Variants in DAB1 observed in about 807,000 individuals in gnomAD.
DAB1 encodes DAB adaptor protein 1.
Under a neutral mutation model 64.6 loss-of-function variants are expected in DAB1, and 15 were observed. That is an observed-to-expected ratio of 0.23 (90% CI 0.16 to 0.36). The LOEUF is 0.36. Among genes scored for constraint, DAB1 ranks in the 10% least tolerant of loss-of-function variants. The pLI is 1.00. For missense variants in DAB1, 596 were observed against 706.7 expected (o/e 0.84, Z 1.78); for synonymous variants, 235 against 251.9 (o/e 0.93, Z 0.64).
intron 2 of DAB1, among the ~76,000 whole-genome samples, chr1:57,159,181 T>C (rs1177731232): frequency 1.3e-5 from 2 of 152,230 alleles, no homozygotes; most frequent in African/African-American, 2.4e-5. Context: ...AGGTTTTTTT[T>C]TTCTTCCTCT....
chr1:57,039,227 G>C (rs571554901), intron 9 of DAB1, among the ~76,000 whole-genome samples: 1 of 152,294 alleles, frequency 6.6e-6, no homozygotes, highest in Admixed American at 6.5e-5. Flanking sequence ...GGATAACAAT[G>C]CTTACAATGT....
chr1:57,287,716 A>G (rs2100652713), intron 2 of DAB1, among the ~76,000 whole-genome samples: 1 of 152,294 alleles, frequency 6.6e-6, no homozygotes, highest in African/African-American at 2.4e-5. Flanking sequence ...AAATACTATT[A>G]CATCATCAAA....
chr1:57,918,620 A>T (rs531421896), intron 5 of DAB1, among the ~76,000 whole-genome samples: 6 of 152,052 alleles, frequency 3.9e-5, no homozygotes, highest in African/African-American at 4.8e-5. Context: ...GTCAGGAGAT[A>T]CAGACCATCC....
chr1:57,437,035 C>CAAAAAAA (rs66682648), intron 7 of DAB1, among the ~76,000 whole-genome samples: 1 of 108,860 alleles, frequency 9.2e-6, no homozygotes, highest in Non-Finnish European at 1.7e-5. Context: ...GACTCCGTCT[C>CAAAAAAA]AAAAAAAAAA....
chr1:57,522,492 G>A (rs1169749097), intron 7 of DAB1, among the ~76,000 whole-genome samples: 2 of 152,174 alleles, frequency 1.3e-5, no homozygotes, highest in Non-Finnish European at 2.9e-5. Context: ...AGACATACCT[G>A]AGACTGGGTA....
At chr1:58,222,331 T>C (rs1398509142) in intron 4 of DAB1, among the ~76,000 whole-genome samples, 1 of 152,148 alleles carries the variant, frequency 6.6e-6, no homozygotes, top group African/African-American at 2.4e-5. Context: ...TCCCATCCTC[T>C]CATGGTTAAG....
At chr1:58,442,271 C>G (rs1056760551) in intron 3 of DAB1, among the ~76,000 whole-genome samples, 1 of 152,146 alleles carries the variant, frequency 6.6e-6, no homozygotes, top group Middle Eastern at 3.2e-3. Flanking sequence ...CAAGGGAACC[C>G]CTGAATGGAC....
chr1:58,512,964 T>C (rs1569924733), intron 2 of DAB1, among the ~76,000 whole-genome samples: 3 of 152,206 alleles, frequency 2.0e-5, no homozygotes, highest in Admixed American at 6.5e-5. Context: ...AAATAAATAC[T>C]CAGTTTATCA....
chr1:57,666,369 C>T (rs1051033896), intron 6 of DAB1, among the ~76,000 whole-genome samples: 3 of 152,114 alleles, frequency 2.0e-5, no homozygotes, highest in African/African-American at 7.2e-5. Flanking sequence ...TAGATTTTTA[C>T]AACAAATTGG....
intron 7 of DAB1, among the ~76,000 whole-genome samples, chr1:57,540,785 T>C (rs1304564829): frequency 2.0e-5 from 3 of 152,108 alleles, no homozygotes; most frequent in African/African-American, 7.2e-5. Flanking sequence ...AGGTAGAAAG[T>C]AGCGTGATAG....
At chr1:57,744,298 G>A (rs372485313) in intron 6 of DAB1, among the ~76,000 whole-genome samples, 53 of 152,290 alleles carry the variant, frequency 3.5e-4, no homozygotes, top group South Asian at 6.2e-4. Flanking sequence ...AGAGAACCAC[G>A]TAGTAGTTAT....
intron 3 of DAB1, among the ~76,000 whole-genome samples, chr1:58,469,604 CT>C (rs1483927561): frequency 6.6e-6 from 1 of 152,214 alleles, no homozygotes; most frequent in Non-Finnish European, 1.5e-5. Flanking sequence ...ACCCATCACT[CT>C]TTCTAAAGCA....
intron 3 of DAB1, among the ~76,000 whole-genome samples, chr1:58,473,281 G>A (rs1046683769): frequency 2.0e-5 from 3 of 152,214 alleles, no homozygotes; most frequent in Admixed American, 6.5e-5. Flanking sequence ...GGTGGCTCAC[G>A]CCTGTAATCC....
chr1:57,992,327 T>G (rs1034981892), intron 5 of DAB1, among the ~76,000 whole-genome samples: 1 of 152,196 alleles, frequency 6.6e-6, no homozygotes, highest in East Asian at 1.9e-4. Flanking sequence ...GTTGTGTCCC[T>G]TGGAAAAATT....
At chr1:58,388,743 T>TTGCCATG (rs1417807390) in intron 3 of DAB1, among the ~76,000 whole-genome samples, 11 of 152,212 alleles carry the variant, frequency 7.2e-5, no homozygotes, top group Non-Finnish European at 1.3e-4. Context: ...AAGAGAAGTG[T>TTGCCATG]TACAGTGCAT....
At chr1:57,982,094 T>C (rs1035749318) in intron 5 of DAB1, among the ~76,000 whole-genome samples, 43 of 152,250 alleles carry the variant, frequency 2.8e-4, no homozygotes, top group African/African-American at 9.6e-4. Context: ...GCAGGGAGCA[T>C]TTTTCAGGTA....
At chr1:57,957,367 A>G (rs1183388689) in intron 5 of DAB1, among the ~76,000 whole-genome samples, 1 of 152,212 alleles carries the variant, frequency 6.6e-6, no homozygotes, top group Non-Finnish European at 1.5e-5. Context: ...ATGGAAGGAT[A>G]AAGTTGACAT....
chr1:57,354,149 C>A (rs1397202063), intron 1 of DAB1, among the ~76,000 whole-genome samples: 1 of 152,056 alleles, frequency 6.6e-6, no homozygotes, highest in Non-Finnish European at 1.5e-5. Context: ...TTCTATCAAT[C>A]TTTCATTGGA....
intron 1 of DAB1, among the ~76,000 whole-genome samples, chr1:57,852,648 A>G (rs1653582547): frequency 6.6e-6 from 1 of 152,058 alleles, no homozygotes; most frequent in Non-Finnish European, 1.5e-5. Flanking sequence ...TAAGCCCAGG[A>G]ATCCAGGTCA....
Sources: allele counts gnomAD v4.1 joint callset (sites outside exome capture counted in the v4.1 genomes callset), GRCh38; gene constraint gnomAD v4.1.1; transcripts MANE v1.5; gene names NCBI Gene and HGNC (gene_info 2026-07-23, HGNC 2026-07-21).